The following GALNT14 variants were observed in gnomAD, a reference collection of about 807,000 sequenced individuals.
GALNT14 encodes the protein UDP-GalNAc:polypeptide N-acetylgalactosaminyltransferase 14.
GALNT14 carries 60 observed loss-of-function variants against 77.5 expected under a neutral mutation model. The ratio of observed to expected loss-of-function variants is 0.77; its 90% CI spans 0.63 to 0.96. The LOEUF (loss-of-function observed/expected upper bound fraction) is 0.96, where lower values mean the gene tolerates loss of function less well. Among genes scored for constraint, GALNT14 ranks in the 40% least tolerant of loss-of-function variants. GALNT14 has a pLI of 0.00. For missense variants in GALNT14, 710 were observed against 731.0 expected (o/e 0.97, Z 0.33); for synonymous variants, 280 against 281.7 (o/e 0.99, Z 0.06).
intron 1 of GALNT14, among the ~76,000 whole-genome samples, chr2:31,116,719 A>T (rs977914601): frequency 5.3e-5 from 8 of 152,194 alleles, no homozygotes; most frequent in African/African-American, 1.9e-4. Context: ...TATCTAATAC[A>T]TATATATAGA....
chr2:31,066,249 G>C (rs1323046747), intron 1 of GALNT14, among the ~76,000 whole-genome samples: 2 of 152,204 alleles, frequency 1.3e-5, no homozygotes, highest in Admixed American at 1.3e-4. Context: ...CCAGAGGCCA[G>C]GGCATTACCA....
rs4020220 is a variant in GALNT14 at position 31,130,734 on chromosome 2, CTGTGTGTGTGTGTG to C, written c.129+7210_129+7223del. On this transcript the variant is annotated intron_variant, in intron 1 of 14. Coordinates refer to ENST00000349752, the MANE Select transcript of GALNT14 (RefSeq NM_024572.4). ...TCCTGCAGAATTCCCCAGGGTACCTCTGTGTGTGTGTGTGTGTGTGTGTGTGTGTGTGTGTGTGT... is the reference window on the plus strand; with the variant it reads ...TCCTGCAGAATTCCCCAGGGTACCTCTGTGTGTGTGTGTGTGTGTGTGTGT... Among the ~76,000 whole-genome samples, 310 of 117,538 alleles carry C rather than the reference CTGTGTGTGTGTGTG, an allele frequency of 2.6e-3. 5 individuals are homozygous for C. The highest frequency in any genetic ancestry group is 8.7e-3 in the African/African-American group (250 of 28,872). 77.1% of individuals were successfully genotyped at this position (117,538 alleles called of 152,430 possible).
intron 2 of GALNT14, among the ~76,000 whole-genome samples, chr2:30,975,508 T>A (rs950185196): frequency 1.1e-4 from 16 of 152,262 alleles, no homozygotes; most frequent in African/African-American, 3.4e-4. Flanking sequence ...TTATCTTTTT[T>A]AAAATTGATC....
At chr2:31,136,380 T>C (rs142597893) in intron 1 of GALNT14, among the ~76,000 whole-genome samples, 1,630 of 152,286 alleles carry the variant, frequency 0.011, 19 homozygotes, top group South Asian at 0.041. Context: ...GAATGCCCTT[T>C]CTACCTACTG....
the GALNT14 span, among the ~76,000 whole-genome samples, chr2:30,905,382 G>A: frequency 1.3e-5 from 2 of 151,264 alleles, no homozygotes; most frequent in Middle Eastern, 3.4e-3. Flanking sequence ...TGATGGAGCT[G>A]AAAACCAAGG....
chr2:30,893,789 G>A, the GALNT14 span, among the ~76,000 whole-genome samples: 3 of 151,102 alleles, frequency 2.0e-5, no homozygotes, highest in African/African-American at 7.3e-5. Context: ...AAAAAAAATA[G>A]AAACTTGAGC....
chr2:31,117,255 A>C (rs1298195401), intron 1 of GALNT14, among the ~76,000 whole-genome samples: 2 of 152,180 alleles, frequency 1.3e-5, no homozygotes, highest in African/African-American at 4.8e-5. Context: ...ACATGCTCCT[A>C]CCTGAGTAGC....
downstream of GALNT14, among the ~76,000 whole-genome samples, chr2:30,907,844 T>C (rs1474563598): frequency 6.9e-6 from 1 of 143,946 alleles, no homozygotes; most frequent in African/African-American, 2.6e-5. Context: ...CAGCAGCACA[T>C]CAAAAAGCTT....
chr2:31,088,828 C>T (rs539004832), intron 1 of GALNT14, among the ~76,000 whole-genome samples: 20 of 152,104 alleles, frequency 1.3e-4, no homozygotes, highest in Admixed American at 2.6e-4. Flanking sequence ...TTTGGCAGGG[C>T]GATGCCCATG....
At chr2:30,919,354 G>T (rs1262719427) in intron 13 of GALNT14, among the ~76,000 whole-genome samples, 1 of 152,186 alleles carries the variant, frequency 6.6e-6, no homozygotes, top group African/African-American at 2.4e-5. Flanking sequence ...AGGGAAGGCA[G>T]GTGAGGAATG....
intron 3 of GALNT14, among the ~76,000 whole-genome samples, chr2:30,963,949 G>A (rs1667844042): frequency 6.6e-6 from 1 of 152,230 alleles, no homozygotes; most frequent in African/African-American, 2.4e-5. Flanking sequence ...GAGGTTAAGA[G>A]ATGGATAAGA....
the GALNT14 span, among the ~76,000 whole-genome samples, chr2:30,903,872 T>C: frequency 6.6e-6 from 1 of 152,200 alleles, no homozygotes; most frequent in Non-Finnish European, 1.5e-5. Flanking sequence ...TTTTGGGAAC[T>C]TCATATGGAT....
chr2:31,031,514 T>C (rs778225340), intron 1 of GALNT14, among the ~76,000 whole-genome samples: 9 of 152,014 alleles, frequency 5.9e-5, no homozygotes, highest in Non-Finnish European at 1.3e-4. Context: ...GCCATGCAAA[T>C]CCTTTGATAA....
In GALNT14 at chr2:30,932,194, T is replaced by C; in HGVS notation, c.932A>G (p.Glu311Gly). 2 of 1,497,588 alleles carry C rather than the reference T, an allele frequency of 1.3e-6. No homozygotes were observed. The highest frequency in any genetic ancestry group is 1.8e-6 in the Non-Finnish European group (2 of 1,120,724). The allele number at this position is 1,497,588 out of a possible 1,614,324, so 92.8% of individuals were successfully genotyped here. Residue 311 changes from glutamate (E) to glycine (G), a missense_variant and splice_region_variant, in exon 10 of 15, where the codon GAA becomes GGA. Transcript: ENST00000349752. ...GCACATCCACACTCGGAAGGAGATT[T>C]CTGCAAGACAGTCACGCCCCTCCTA... ...DMDIWGGENF[E>G]ISFRVWMCGG... is the part of the protein sequence containing the mutation.
chr2:30,891,072 C>T, the GALNT14 span, among the ~76,000 whole-genome samples: 4 of 152,162 alleles, frequency 2.6e-5, no homozygotes, highest in African/African-American at 7.2e-5. Flanking sequence ...AGTGGATCAG[C>T]CCATGTTCAA....
intron 1 of GALNT14, among the ~76,000 whole-genome samples, chr2:31,024,169 T>C (rs1415647061): frequency 6.6e-6 from 1 of 152,060 alleles, no homozygotes; most frequent in African/African-American, 2.4e-5. Context: ...CCTTGAAATA[T>C]ACTCCATGCC....
intron 4 of GALNT14, 126 bp from the exon 5 acceptor site, chr2:30,956,103 A>T: frequency 7.0e-6 from 6 of 858,974 alleles, no homozygotes; most frequent in African/African-American, 1.6e-5. Context: ...CTAACTGCAG[A>T]GTGCAGTCCT....
At position 31,138,402 on chromosome 2, in the gene GALNT14, C is replaced by A. The variant is rs904024544; in HGVS notation, c.-316G>T. 5.6e-6 allele frequency: 2 copies of A among 357,912 alleles called. No individual in the cohort carries two copies. The highest frequency in any genetic ancestry group is 5.0e-6 in the Non-Finnish European group (1 of 199,910). 22.2% of individuals were successfully genotyped at this position (357,912 alleles called of 1,614,324 possible). Reference sequence around the variant, plus strand: ...ACGCCGCCACCGCGGCTGCCGCCGCCGCCGCCGCCGCCTTGCCCGCTGCCG... The same window carrying A: ...ACGCCGCCACCGCGGCTGCCGCCGCAGCCGCCGCCGCCTTGCCCGCTGCCG... On this transcript the variant is annotated 5_prime_UTR_variant, in exon 1 of 15. Coordinates refer to ENST00000349752, the MANE Select transcript of GALNT14 (RefSeq NM_024572.4).
At chr2:30,931,490 G>A (rs1310006091) in intron 10 of GALNT14, among the ~76,000 whole-genome samples, 2 of 152,148 alleles carry the variant, frequency 1.3e-5, no homozygotes, top group African/African-American at 4.8e-5. Flanking sequence ...GGCACCCTTG[G>A]GTCTCTGAGT....
Sources: allele counts gnomAD v4.1 joint callset (sites outside exome capture counted in the v4.1 genomes callset), GRCh38; gene constraint gnomAD v4.1.1; transcripts MANE v1.5; gene names NCBI Gene and HGNC (gene_info 2026-07-23, HGNC 2026-07-21).